ARHGAP15: variants seen among roughly 807,000 people sequenced by gnomAD.
ARHGAP15 encodes the protein Rho GTPase activating protein 15.
Under a neutral mutation model 63.7 loss-of-function variants are expected in ARHGAP15, and 51 were observed. That is an observed-to-expected ratio of 0.80 (90% confidence interval 0.64 to 1.01). The LOEUF is 1.01. Among genes scored for constraint, ARHGAP15 ranks in the 50% least tolerant of loss-of-function variants. The pLI is 0.00. For missense variants in ARHGAP15, 560 were observed against 564.6 expected, an observed-to-expected ratio of 0.99 and a Z score of 0.08; for synonymous variants, 191 against 193.8, an observed-to-expected ratio of 0.99 and a Z score of 0.12.
chr2:143,474,243 G>A (rs1358869223), intron 8 of ARHGAP15, among the ~76,000 whole-genome samples: 1 of 151,692 alleles, frequency 6.6e-6, no homozygotes, highest in African/African-American at 2.4e-5. Context: ...AAAAGTTAAA[G>A]AAATGGATAA....
chr2:143,717,451 T>A (rs772337768), intron 13 of ARHGAP15, among the ~76,000 whole-genome samples: 1 of 152,234 alleles, frequency 6.6e-6, no homozygotes. Context: ...ACCTAAGTCC[T>A]CACTGCTTTC....
chr2:143,714,700 A>G (rs1684731602), intron 13 of ARHGAP15, among the ~76,000 whole-genome samples: 1 of 152,140 alleles, frequency 6.6e-6, no homozygotes, highest in African/African-American at 2.4e-5. Flanking sequence ...ATCTCTCTCA[A>G]GTTTTAAAAT....
chr2:143,444,611 A>G (rs1214628901), intron 8 of ARHGAP15, among the ~76,000 whole-genome samples: 1 of 152,176 alleles, frequency 6.6e-6, no homozygotes. Context: ...TCAAAATTCT[A>G]AAGAAGTAAT....
At chr2:143,376,683 ATAT>A (rs1010806914) in intron 6 of ARHGAP15, among the ~76,000 whole-genome samples, 5 of 151,832 alleles carry the variant, frequency 3.3e-5, no homozygotes, top group Non-Finnish European at 7.4e-5. Context: ...TCTATCATTA[ATAT>A]TATAATAATT....
At chr2:143,573,419 T>C (rs1267194712) in intron 11 of ARHGAP15, among the ~76,000 whole-genome samples, 1 of 151,908 alleles carries the variant, frequency 6.6e-6, no homozygotes, top group African/African-American at 2.4e-5. Flanking sequence ...ACTACAAATA[T>C]GTTAGCCAAT....
chr2:143,419,148 A>AAC (rs917438276), intron 6 of ARHGAP15, among the ~76,000 whole-genome samples: 1 of 31,604 alleles, frequency 3.2e-5, no homozygotes, highest in African/African-American at 6.1e-5. Context: ...AAGAAATTCT[A>AAC]AGAAAAAAAA....
chr2:143,284,644 G>A (rs1682007321), intron 6 of ARHGAP15, among the ~76,000 whole-genome samples: 1 of 152,208 alleles, frequency 6.6e-6, no homozygotes, highest in African/African-American at 2.4e-5. Context: ...CTTACATAGT[G>A]TTCTGAAAAA....
intron 12 of ARHGAP15, among the ~76,000 whole-genome samples, chr2:143,690,501 C>A (rs1683547821): frequency 6.6e-6 from 1 of 152,114 alleles, no homozygotes; most frequent in Non-Finnish European, 1.5e-5. Flanking sequence ...ATAACGGGCC[C>A]CAGAGGGGAA....
chr2:143,679,466 A>G (rs1236657132), intron 12 of ARHGAP15, among the ~76,000 whole-genome samples: 2 of 152,216 alleles, frequency 1.3e-5, no homozygotes, highest in Non-Finnish European at 1.5e-5. Context: ...ATAAAACAAG[A>G]CATTTGAATA....
At chr2:143,635,196 T>A (rs1242329378) in intron 12 of ARHGAP15, among the ~76,000 whole-genome samples, 1 of 76,278 alleles carries the variant, frequency 1.3e-5, no homozygotes, top group Non-Finnish European at 3.1e-5. Context: ...CTCAGGAGCT[T>A]TTTTTTTTTT....
chr2:143,436,903 C>T lies in ARHGAP15; in HGVS notation c.574-10C>T. ...TAAAATTATTCAGTCTAATTATTTG[C>T]TGTTTCCAGCCAAAGGATTCAAGTT... On this transcript the variant is annotated splice_polypyrimidine_tract_variant and intron_variant, in intron 7 of 13. Coordinates refer to ENST00000295095, the MANE Select transcript of ARHGAP15 (RefSeq NM_018460.4). 3.7e-6 allele frequency: 6 copies of T among 1,604,448 alleles called. No individual in the cohort carries two copies. The highest frequency in any genetic ancestry group is 5.1e-6 in the Non-Finnish European group (6 of 1,177,310).
rs541152496 is a variant in ARHGAP15 at position 143,603,056 on chromosome 2, A to G, written c.1004-21077A>G. Among the ~76,000 whole-genome samples, 92 of 152,318 alleles carry G rather than the reference A, an allele frequency of 6.0e-4. 1 individual carries two copies. The South Asian group carries it at 0.018, about 29-fold the overall frequency. On this transcript the variant is annotated intron_variant, in intron 11 of 13. Transcript: ENST00000295095. Reference sequence around the variant, plus strand: ...TCTCAGAGATCTGTATGTATAGTTTACCTTGAAGTCAATTGAAAACAGAAT... The same window carrying G: ...TCTCAGAGATCTGTATGTATAGTTTGCCTTGAAGTCAATTGAAAACAGAAT...
At chr2:143,329,077 C>T (rs1232905948) in intron 6 of ARHGAP15, among the ~76,000 whole-genome samples, 1 of 152,222 alleles carries the variant, frequency 6.6e-6, no homozygotes, top group Non-Finnish European at 1.5e-5. Context: ...ACCTTGCCCT[C>T]ACAAGTGTTA....
chr2:143,276,225 C>G lies in ARHGAP15; in HGVS notation c.474+25625C>G, dbSNP rs1054490712. ...TTCAGCCCACCATTTCTAATCTTATCATTACCCTTTACCAAACACTCTAGT... is the reference window on the plus strand; with the variant it reads ...TTCAGCCCACCATTTCTAATCTTATGATTACCCTTTACCAAACACTCTAGT... On this transcript the variant is annotated intron_variant, in intron 6 of 13. Transcript: ENST00000295095. Among the ~76,000 whole-genome samples, 5 of 152,194 alleles carry G rather than the reference C, an allele frequency of 3.3e-5. No homozygotes were observed. In the East Asian group the frequency reaches 9.6e-4, roughly 29 times the overall value.
rs1337439828 is a variant in ARHGAP15, at chr2:143,340,149, C to T, written c.474+89549C>T. The stretch of plus-strand genomic sequence containing the variant: ...TTCATTTAAGAGAGGGACATTTTGT[C>T]GTTTGGGCAGATACCTGCCAGTCTA... On this transcript the variant is annotated intron_variant, in intron 6 of 13. Transcript: ENST00000295095. 3.3e-5 allele frequency among the ~76,000 whole-genome samples: 5 copies of T among 152,214 alleles called. No individual in the cohort carries two copies. The Middle Eastern group carries it at 0.01, about 311-fold the overall frequency.
At chr2:143,563,640 T>C (rs945089356) in intron 11 of ARHGAP15, among the ~76,000 whole-genome samples, 4 of 152,176 alleles carry the variant, frequency 2.6e-5, no homozygotes, top group Admixed American at 2.6e-4. Flanking sequence ...ATTAAATTAG[T>C]CAGAGTTATG....
chr2:143,544,602 G>A (rs7597834), intron 10 of ARHGAP15, among the ~76,000 whole-genome samples: 124,759 of 152,160 alleles, frequency 0.82, 51,245 homozygotes, highest in South Asian at 0.85. Flanking sequence ...ATTTTAGTGC[G>A]TGTTATGGCT....
intron 6 of ARHGAP15, among the ~76,000 whole-genome samples, chr2:143,254,925 G>A (rs560554950): frequency 3.3e-5 from 5 of 151,814 alleles, no homozygotes; most frequent in Non-Finnish European, 7.4e-5. Flanking sequence ...AAATTTCCAG[G>A]GTGTAAAATA....
At chr2:143,199,811 GC>G (rs913874620) in intron 2 of ARHGAP15, among the ~76,000 whole-genome samples, 1 of 152,072 alleles carries the variant, frequency 6.6e-6, no homozygotes, top group Non-Finnish European at 1.5e-5. Context: ...AATGGACACA[GC>G]CTAAAGTTCC....
Sources: allele counts gnomAD v4.1 joint callset (sites outside exome capture counted in the v4.1 genomes callset), GRCh38; gene constraint gnomAD v4.1.1; transcripts MANE v1.5; gene names NCBI Gene and HGNC (gene_info 2026-07-23, HGNC 2026-07-21).